The following FSHR variants were observed in gnomAD, a reference collection of about 807,000 sequenced individuals.
FSHR encodes the protein follicle-stimulating hormone receptor.
A neutral mutation model predicts 52.1 loss-of-function variants in FSHR; 46 were observed. That is an observed-to-expected ratio of 0.88 (90% CI 0.70 to 1.13). FSHR has a LOEUF of 1.13. FSHR is among the 50% of genes most tolerant of loss of function. The pLI is 0.00. For synonymous variants in FSHR, 399 were observed against 309.6 expected, an observed-to-expected ratio of 1.29 and a Z score of -3.03; for missense variants, 964 against 834.6, an observed-to-expected ratio of 1.16 and a Z score of -1.91.
intron 1 of FSHR, among the ~76,000 whole-genome samples, chr2:49,146,679 T>G (rs1212569242): frequency 6.6e-6 from 1 of 151,978 alleles, no homozygotes; most frequent in African/African-American, 2.4e-5. Flanking sequence ...TTTGGGGAAG[T>G]TTGGTGCCTG....
rs748888573 is a variant in FSHR, at chr2:48,963,142, T to C, written c.1679A>G (p.Asn560Ser). Residue 560 changes from asparagine to serine, a missense_variant, in exon 10 of 10, where the codon AAC (asparagine) becomes AGC (serine). Coordinates refer to ENST00000406846, the MANE Select transcript of FSHR (RefSeq NM_000145.4). ...IHIYLTVRNP[N>S]IVSSSSDTRI... is the part of the protein sequence containing the mutation. ...GGTGTCACTAGAGGAGGACACGATG[T>C]TGGGGTTCCGCACTGTGAGGTAGAT... The C allele has an allele frequency of 6.2e-7, 1 of 1,613,930 alleles. No individual in the cohort carries two copies. The highest frequency in any genetic ancestry group is 8.5e-7 in the Non-Finnish European group (1 of 1,180,002).
intron 2 of FSHR, 76 bp from the exon 3 acceptor site, chr2:49,020,236 C>CT: frequency 8.2e-7 from 1 of 1,224,208 alleles, no homozygotes; most frequent in Admixed American, 1.7e-5. Flanking sequence ...AGCATAGAGC[C>CT]TTGTGTCTGG....
At chr2:49,140,609 A>T (rs1209623134) in intron 1 of FSHR, among the ~76,000 whole-genome samples, 1 of 152,070 alleles carries the variant, frequency 6.6e-6, no homozygotes, top group African/African-American at 2.4e-5. Flanking sequence ...CTGAGGCAGG[A>T]GAATCACTTG....
intron 4 of FSHR, among the ~76,000 whole-genome samples, chr2:48,992,071 C>T (rs1461069921): frequency 6.6e-6 from 1 of 151,694 alleles, no homozygotes; most frequent in African/African-American, 2.4e-5. Flanking sequence ...TAGAAGCTGT[C>T]TTGGGCAATT....
At chr2:49,090,731 G>C (rs538468899) in intron 1 of FSHR, among the ~76,000 whole-genome samples, 1 of 152,138 alleles carries the variant, frequency 6.6e-6, no homozygotes, top group Non-Finnish European at 1.5e-5. Context: ...GTTCTCAGGA[G>C]GTATTTATGA....
chr2:49,007,300 G>C (rs1208359781), intron 4 of FSHR, among the ~76,000 whole-genome samples: 1 of 152,142 alleles, frequency 6.6e-6, no homozygotes, highest in Non-Finnish European at 1.5e-5. Flanking sequence ...AGACAAGTCA[G>C]CTTACATCTC....
At position 48,982,938 on chromosome 2, in the gene FSHR, G is replaced by A. The variant is rs138656125; in HGVS notation, c.642C>T (p.Phe214=). ...NNLEELPNDV[F]HGASGPVILD... ...GAATGACTGGTCCAGAGGCTCCGTG[G>A]AAAACATCATTAGGCAATTCTTCTA... Residue 214 remains phenylalanine, a synonymous_variant, in exon 8 of 10, where the codon TTC becomes TTT. Coordinates refer to ENST00000406846, the MANE Select transcript of FSHR (RefSeq NM_000145.4). 11 of 1,613,944 alleles carry A rather than the reference G, an allele frequency of 6.8e-6. No homozygotes were observed. The African/African-American group carries it at 1.5e-4, about 22-fold the overall frequency.
intron 4 of FSHR, among the ~76,000 whole-genome samples, chr2:48,997,466 A>G (rs1676073816): frequency 6.6e-6 from 1 of 151,384 alleles, no homozygotes; most frequent in African/African-American, 2.4e-5. Context: ...ATTTGCAATC[A>G]GCCTCTGTTT....
intron 4 of FSHR, among the ~76,000 whole-genome samples, chr2:49,001,875 T>C (rs1361161460): frequency 1.3e-5 from 2 of 152,100 alleles, no homozygotes; most frequent in Non-Finnish European, 2.9e-5. Context: ...AACTATGTAA[T>C]CTCTGAGTTT....
chr2:48,987,033 A>T (rs964948046), intron 6 of FSHR, among the ~76,000 whole-genome samples: 1 of 152,152 alleles, frequency 6.6e-6, no homozygotes, highest in African/African-American at 2.4e-5. Context: ...GATCCAAATA[A>T]ACATAAACAT....
chr2:49,107,137 C>T (rs1671250499), intron 1 of FSHR, among the ~76,000 whole-genome samples: 1 of 152,146 alleles, frequency 6.6e-6, no homozygotes, highest in Admixed American at 6.5e-5. Flanking sequence ...GATCTGGCTC[C>T]TGCTTTAGCC....
intron 1 of FSHR, among the ~76,000 whole-genome samples, chr2:49,069,674 G>A (rs1361496965): frequency 6.6e-6 from 1 of 152,068 alleles, no homozygotes; most frequent in Non-Finnish European, 1.5e-5. Flanking sequence ...ATGGCTTATT[G>A]AGCCCTCTGA....
chr2:49,027,202 C>G (rs962731241), intron 2 of FSHR, among the ~76,000 whole-genome samples: 1 of 152,186 alleles, frequency 6.6e-6, no homozygotes. Flanking sequence ...GTATTTCTTG[C>G]AAACCTCCCT....
At chr2:48,968,998 G>C in intron 8 of FSHR, 115 bp from the exon 9 acceptor site, 1 of 959,268 alleles carries the variant, frequency 1.0e-6, no homozygotes, top group African/African-American at 1.6e-5. Context: ...GATGAGGAGA[G>C]AGACTCCGGT....
At chr2:49,021,333 G>A (rs1255574320) in intron 2 of FSHR, among the ~76,000 whole-genome samples, 5 of 152,096 alleles carry the variant, frequency 3.3e-5, no homozygotes, top group African/African-American at 1.2e-4. Flanking sequence ...AGCTTAATCA[G>A]TTAATATTTA....
In FSHR at chr2:48,982,949, T is replaced by C; in HGVS notation, c.631A>G (p.Asn211Asp). The C allele has an allele frequency of 6.2e-7, 1 of 1,614,074 alleles. No individual in the cohort carries two copies. Residue 211 changes from asparagine to aspartate, a missense_variant, in exon 8 of 10, where the codon AAT (asparagine) becomes GAT (aspartate). By Grantham distance (23) the Asn-to-Asp change is conservative. Transcript: ENST00000406846. ...SDNNNLEELP[N>D]DVFHGASGPV... is the part of the protein sequence containing the mutation. The stretch of plus-strand genomic sequence containing the variant: ...CCAGAGGCTCCGTGGAAAACATCAT[T>C]AGGCAATTCTTCTAAATTATTATTA...
At chr2:49,011,652 C>T (rs866129027) in intron 4 of FSHR, among the ~76,000 whole-genome samples, 3 of 152,012 alleles carry the variant, frequency 2.0e-5, no homozygotes, top group South Asian at 2.1e-4. Flanking sequence ...CTCGGTGATG[C>T]AGGCAATGTT....
At chr2:49,005,153 G>C (rs955574502) in intron 4 of FSHR, among the ~76,000 whole-genome samples, 3 of 152,094 alleles carry the variant, frequency 2.0e-5, no homozygotes, top group African/African-American at 7.2e-5. Flanking sequence ...GAAGGACTTG[G>C]GCTTCTTTCA....
intron 2 of FSHR, among the ~76,000 whole-genome samples, chr2:49,062,787 C>A (rs962775909): frequency 2.6e-5 from 4 of 151,784 alleles, no homozygotes; most frequent in African/African-American, 9.7e-5. Flanking sequence ...TACAAATGGT[C>A]AATAGGCATA....
Sources: allele counts gnomAD v4.1 joint callset (sites outside exome capture counted in the v4.1 genomes callset), GRCh38; gene constraint gnomAD v4.1.1; transcripts MANE v1.5; gene names NCBI Gene and HGNC (gene_info 2026-07-23, HGNC 2026-07-21).